DPYD: variants seen among roughly 807,000 people sequenced by gnomAD.
The protein encoded by DPYD is dihydropyrimidine dehydrogenase [NADP(+)].
In DPYD, 109 loss-of-function variants were observed where a neutral mutation model predicts 116.2. The ratio of observed to expected loss-of-function variants is 0.94; its 90% confidence interval spans 0.80 to 1.10. The LOEUF (loss-of-function observed/expected upper bound fraction) is 1.10, where lower values mean the gene tolerates loss of function less well. Ranked by LOEUF, DPYD falls within the 50% of genes least tolerant of loss-of-function variation. DPYD has a pLI of 0.00. For synonymous variants in DPYD, 440 were observed against 432.0 expected, an observed-to-expected ratio of 1.02 and a Z score of -0.23; for missense variants, 1,302 against 1,254.5, an observed-to-expected ratio of 1.04 and a Z score of -0.57.
chr1:97,839,991 T>C (rs749059180), intron 2 of DPYD, among the ~76,000 whole-genome samples: 4 of 152,320 alleles, frequency 2.6e-5, no homozygotes, highest in East Asian at 3.9e-4. Context: ...TGCCTATTCA[T>C]ATCCTTTGCC....
intron 20 of DPYD, among the ~76,000 whole-genome samples, chr1:97,103,875 T>C (rs1372237268): frequency 6.6e-6 from 1 of 152,134 alleles, no homozygotes; most frequent in Non-Finnish European, 1.5e-5. Context: ...CCATAAGCCT[T>C]AACTGCTTCT....
At chr1:97,884,259 C>T (rs1672375536) in intron 1 of DPYD, among the ~76,000 whole-genome samples, 1 of 151,962 alleles carries the variant, frequency 6.6e-6, no homozygotes, top group Non-Finnish European at 1.5e-5. Flanking sequence ...CAATAATGAA[C>T]AACATACCAT....
intron 19 of DPYD, among the ~76,000 whole-genome samples, chr1:97,208,055 G>C (rs1659766945): frequency 6.6e-6 from 1 of 152,054 alleles, no homozygotes; most frequent in African/African-American, 2.4e-5. Context: ...GCCCAGTAAA[G>C]GCCTTCTCTC....
intron 12 of DPYD, among the ~76,000 whole-genome samples, chr1:97,545,246 T>C (rs1273254001): frequency 6.6e-6 from 1 of 152,208 alleles, no homozygotes; most frequent in African/African-American, 2.4e-5. Flanking sequence ...CTTGAGCGTA[T>C]CTCTTATTCT....
At chr1:97,719,741 A>G (rs1018057707) in intron 5 of DPYD, 2 of 985,024 alleles carry the variant, frequency 2.0e-6, no homozygotes, top group African/African-American at 3.5e-5. Flanking sequence ...CCCAAAAAAA[A>G]GGACAAAAAG....
chr1:97,530,214 C>CTTTTTTTTTTTTT (rs57740723), intron 12 of DPYD, among the ~76,000 whole-genome samples: 5 of 112,696 alleles, frequency 4.4e-5, no homozygotes, highest in Non-Finnish European at 9.0e-5. Context: ...CTTTTTTTTT[C>CTTTTTTTTTTTTT]TTTTTTTTTT....
At chr1:97,874,787 C>T (rs1317140824) in intron 2 of DPYD, among the ~76,000 whole-genome samples, 1 of 151,844 alleles carries the variant, frequency 6.6e-6, no homozygotes, top group Middle Eastern at 3.2e-3. Context: ...ACATTTGCTT[C>T]GGTCAAAATA....
At chr1:97,849,875 T>C (rs949023851) in intron 2 of DPYD, among the ~76,000 whole-genome samples, 2 of 152,182 alleles carry the variant, frequency 1.3e-5, no homozygotes, top group African/African-American at 4.8e-5. Flanking sequence ...AAGACATGAG[T>C]GTCTTCTAAA....
At chr1:97,777,896 C>T (rs931157356) in intron 3 of DPYD, among the ~76,000 whole-genome samples, 2 of 151,888 alleles carry the variant, frequency 1.3e-5, no homozygotes, top group Non-Finnish European at 1.5e-5. Flanking sequence ...TAGTGGCTCA[C>T]ACCTGTAATC....
intron 8 of DPYD, among the ~76,000 whole-genome samples, chr1:97,670,886 T>C (rs1236444496): frequency 3.3e-5 from 5 of 152,154 alleles, no homozygotes; most frequent in Non-Finnish European, 5.9e-5. Flanking sequence ...CAAAAAGAAC[T>C]GTTTTACTTC....
intron 8 of DPYD, among the ~76,000 whole-genome samples, chr1:97,643,671 T>G (rs1265963993): frequency 2.0e-5 from 3 of 152,096 alleles, no homozygotes; most frequent in Non-Finnish European, 2.9e-5. Flanking sequence ...TAGCAAAGAC[T>G]TGAAACCAAC....
At chr1:97,343,982 TAAAC>T (rs1028960776) in intron 16 of DPYD, among the ~76,000 whole-genome samples, 1 of 151,962 alleles carries the variant, frequency 6.6e-6, no homozygotes, top group African/African-American at 2.4e-5. Context: ...TAAAGCTTCT[TAAAC>T]AAGCATCTTA....
At chr1:97,317,110 T>C (rs1419655379) in intron 16 of DPYD, among the ~76,000 whole-genome samples, 1 of 151,958 alleles carries the variant, frequency 6.6e-6, no homozygotes, top group Non-Finnish European at 1.5e-5. Flanking sequence ...GAATCCTTTA[T>C]ACTGGGCCAA....
chr1:97,168,025 G>A (rs2101761530), intron 20 of DPYD, among the ~76,000 whole-genome samples: 1 of 152,220 alleles, frequency 6.6e-6, no homozygotes. Flanking sequence ...TAGTTTGGAT[G>A]ACAGATTTCT....
At chr1:97,790,498 C>T (rs1160005414) in intron 3 of DPYD, among the ~76,000 whole-genome samples, 1 of 152,140 alleles carries the variant, frequency 6.6e-6, no homozygotes, top group Non-Finnish European at 1.5e-5. Context: ...TCATGGAGGG[C>T]ACAGAATAGT....
intron 20 of DPYD, among the ~76,000 whole-genome samples, chr1:97,118,812 T>C (rs1055417865): frequency 9.4e-5 from 14 of 148,350 alleles, no homozygotes; most frequent in Non-Finnish European, 3.0e-5. Context: ...ATTTATTTGC[T>C]TCAAAACTTT....
intron 3 of DPYD, among the ~76,000 whole-genome samples, chr1:97,771,681 A>G (rs942392000): frequency 6.6e-6 from 1 of 152,136 alleles, no homozygotes; most frequent in African/African-American, 2.4e-5. Flanking sequence ...TAATTATATA[A>G]CCCATATTTG....
Position 97,079,067 on chromosome 1 carries a change from C to A in DPYD, c.2987G>T (p.Cys996Phe), listed in dbSNP as rs672601273. The change falls in exon 23 of 23, where the codon TGC (cysteine) becomes TTC (phenylalanine). Residue 996 changes from cysteine to phenylalanine, a missense_variant. By Grantham distance (205) the Cys-to-Phe change is radical. Transcript: ENST00000370192. ...CATTTTGATGCAGTCGACAATAGGG[C>A]AAACACTGAGACACAGAGTACAGCC... The part of the protein sequence containing the change: ...CTGCTLCLSV[C>F]PIVDCIKMVS... 17 of 1,613,700 alleles carry A rather than the reference C, an allele frequency of 1.1e-5. No homozygotes were observed. The highest frequency in any genetic ancestry group is 1.4e-5 in the Non-Finnish European group (17 of 1,179,726).
At chr1:97,592,256 T>C (rs1557822991) in intron 10 of DPYD, among the ~76,000 whole-genome samples, 1 of 152,230 alleles carries the variant, frequency 6.6e-6, no homozygotes, top group Non-Finnish European at 1.5e-5. Flanking sequence ...AGGTATTATA[T>C]TTCTCTAATA....
Sources: gnomAD v4.1 joint callset for allele counts (sites outside exome capture counted in the v4.1 genomes callset) on GRCh38, gnomAD v4.1.1 for gene constraint, MANE v1.5 for transcripts, NCBI Gene and HGNC (gene_info 2026-07-23, HGNC 2026-07-21) for gene names.